UNC80: variants seen among roughly 807,000 people sequenced by gnomAD.
UNC80 encodes unc-80 subunit of NALCN channel complex, also known as protein unc-80 homolog.
A neutral mutation model predicts 384.6 loss-of-function variants in UNC80; 164 were observed. The observed-to-expected ratio is 0.43, with a 90% confidence interval of 0.38 to 0.49. The LOEUF (loss-of-function observed/expected upper bound fraction) is 0.49, where lower values mean the gene tolerates loss of function less well. UNC80 is among the 20% of genes least tolerant of loss of function. UNC80 has a pLI of 0.00. For synonymous variants in UNC80, 1,486 were observed against 1,527.8 expected, an observed-to-expected ratio of 0.97 and a Z score of 0.64; for missense variants, 3,330 against 4,143.0, an observed-to-expected ratio of 0.80 and a Z score of 5.39.
At chr2:209,954,293 C>A in intron 48 of UNC80, 23 bp downstream of exon 48, 1 of 1,453,616 alleles carries the variant, frequency 6.9e-7, no homozygotes, top group South Asian at 1.5e-5. Flanking sequence ...GCAGAAATAG[C>A]TACAGCCTTA....
intron 18 of UNC80, among the ~76,000 whole-genome samples, chr2:209,835,731 C>T (rs1323905111): frequency 6.6e-6 from 1 of 152,172 alleles, no homozygotes; most frequent in Non-Finnish European, 1.5e-5. Context: ...AAACCTTACT[C>T]AGTATTAAGT....
At chr2:209,799,749 T>G (rs6741478) in intron 7 of UNC80, among the ~76,000 whole-genome samples, 83,025 of 152,026 alleles carry the variant, frequency 0.55, 23,347 homozygotes, top group Admixed American at 0.62. Flanking sequence ...TGTTCCATCA[T>G]TACCTAGGTA....
chr2:209,931,103 A>G (rs2090827409), intron 38 of UNC80, 49 bp downstream of exon 38: 1 of 1,332,354 alleles, frequency 7.5e-7, no homozygotes, highest in African/African-American at 1.5e-5. Flanking sequence ...CCATGATGAA[A>G]AGGTCTTAGA....
intron 22 of UNC80, among the ~76,000 whole-genome samples, chr2:209,867,156 A>G (rs1348684226): frequency 6.6e-6 from 1 of 152,196 alleles, no homozygotes; most frequent in African/African-American, 2.4e-5. Context: ...TTTTCAGTGG[A>G]CCAGCAACAT....
At chr2:209,923,269 TC>T (rs1370489891) in intron 35 of UNC80, among the ~76,000 whole-genome samples, 5 of 152,300 alleles carry the variant, frequency 3.3e-5, no homozygotes, top group African/African-American at 1.2e-4. Context: ...AATTGTCTAA[TC>T]CAAGGTCGCA....
At chr2:209,877,031 A>G (rs1275016031) in intron 23 of UNC80, among the ~76,000 whole-genome samples, 1 of 152,232 alleles carries the variant, frequency 6.6e-6, no homozygotes, top group Non-Finnish European at 1.5e-5. Flanking sequence ...AGTATGATAC[A>G]GAAAGAAAGA....
chr2:209,799,292 C>G (rs1468901845), intron 7 of UNC80, among the ~76,000 whole-genome samples: 1 of 151,834 alleles, frequency 6.6e-6, no homozygotes, highest in African/African-American at 2.4e-5. Context: ...CCTTCATATC[C>G]CTTGTTAGCT....
intron 51 of UNC80, among the ~76,000 whole-genome samples, chr2:209,965,441 TG>T (rs1433579481): frequency 6.6e-6 from 1 of 151,956 alleles, no homozygotes; most frequent in Non-Finnish European, 1.5e-5. Context: ...TACAGATTTC[TG>T]GGCCCAGACC....
intron 47 of UNC80, among the ~76,000 whole-genome samples, chr2:209,946,192 C>G (rs2091905697): frequency 6.6e-6 from 1 of 151,740 alleles, no homozygotes; most frequent in Non-Finnish European, 1.5e-5. Context: ...GAGACCCTGT[C>G]TCTACAAAAA....
chr2:209,791,331 A>G (rs1005161538), intron 6 of UNC80, among the ~76,000 whole-genome samples: 2 of 152,042 alleles, frequency 1.3e-5, no homozygotes, highest in Non-Finnish European at 2.9e-5. Context: ...CCTATAGTGG[A>G]TCCTATTGAC....
chr2:209,789,147 A>G (rs989598418), intron 5 of UNC80, among the ~76,000 whole-genome samples: 1 of 152,202 alleles, frequency 6.6e-6, no homozygotes, highest in African/African-American at 2.4e-5. Context: ...TTGCACAATG[A>G]TGAATTTGCC....
chr2:209,808,597 G>T (rs1449585250), intron 7 of UNC80, among the ~76,000 whole-genome samples: 1 of 151,810 alleles, frequency 6.6e-6, no homozygotes, highest in Non-Finnish European at 1.5e-5. Flanking sequence ...CGGCCCACTT[G>T]CTCAGAGCGT....
In UNC80 at chr2:209,970,791, G is replaced by A. The variant is rs2092862346; in HGVS notation, c.8131-41G>A. ...TCCTTTACTACGGTTGCATGAAATTGCAATAGTCAAGGCTGGTCATGTGCT... is the reference window on the plus strand; with the variant it reads ...TCCTTTACTACGGTTGCATGAAATTACAATAGTCAAGGCTGGTCATGTGCT... On this transcript the variant is annotated intron_variant, in intron 53 of 64. Coordinates refer to ENST00000673920, the MANE Select transcript of UNC80 (RefSeq NM_001371986.1). 3 of 1,535,090 alleles carry A rather than the reference G, an allele frequency of 2.0e-6. No homozygotes were observed. The East Asian group carries it at 7.4e-5, about 38-fold the overall frequency.
intron 22 of UNC80, among the ~76,000 whole-genome samples, chr2:209,850,749 T>C (rs192542474): frequency 6.6e-6 from 1 of 152,276 alleles, no homozygotes; most frequent in Non-Finnish European, 1.5e-5. Flanking sequence ...TGTGTGTTGA[T>C]ATGTGCCATG....
intron 6 of UNC80, among the ~76,000 whole-genome samples, chr2:209,791,173 A>G (rs1174906414): frequency 2.0e-5 from 3 of 152,212 alleles, no homozygotes; most frequent in Non-Finnish European, 4.4e-5. Flanking sequence ...ATTGAGTTTT[A>G]TACTTCTAGA....
intron 31 of UNC80, among the ~76,000 whole-genome samples, chr2:209,915,448 T>G (rs1575001542): frequency 6.8e-6 from 1 of 147,514 alleles, no homozygotes. Flanking sequence ...AATGTGGACG[T>G]GCACTGGGCT....
rs1008782983 is a variant in UNC80 at position 209,820,366 on chromosome 2, G to A, written c.2018G>A (p.Cys673Tyr). The A allele has an allele frequency of 7.1e-6, 11 of 1,551,850 alleles. No individual in the cohort carries two copies. Among genetic ancestry groups the A allele is most frequent in the Non-Finnish European group, 9.6e-6 (11 of 1,146,998 alleles). The change falls in exon 13 of 65, where the codon TGT becomes TAT. Residue 673 changes from cysteine to tyrosine, a missense_variant. This residue lies in a region of UNC80 where 937 missense variants were observed against 1,026.8 expected (regional missense o/e 0.91). Transcript: ENST00000673920. ...AATCATGACATCAGCTCTCGTATCT[G>A]TGACGTGGCGCTAAACATTGTGGAA... ...VLNHDISSRICDVALNIVECL... is the reference protein window; with the variant it reads ...VLNHDISSRIYDVALNIVECL...
chr2:209,817,028 G>A lies in UNC80; in HGVS notation c.1455G>A (p.Val485=), dbSNP rs867003731. ...TGCTTCACGAGGACCACCTGGATGT[G>A]TCCCCCACGCGCAGCACATTCTCCT... The part of the protein sequence containing the change: ...PFLLHEDHLD[V]SPTRSTFSFG... The change falls in exon 10 of 65, where the codon GTG becomes GTA. Residue 485 remains valine, a synonymous_variant. Transcript: ENST00000673920. 16 of 1,551,732 alleles carry A rather than the reference G, an allele frequency of 1.0e-5. No individual in the cohort carries two copies. In the Middle Eastern group the frequency reaches 8.3e-4, roughly 81 times the overall value.
At chr2:209,812,194 C>G (rs1046552436) in intron 7 of UNC80, among the ~76,000 whole-genome samples, 4 of 151,686 alleles carry the variant, frequency 2.6e-5, no homozygotes, top group Non-Finnish European at 4.4e-5. Flanking sequence ...AGACTACAGG[C>G]GCCCGCCACC....
Sources: gnomAD v4.1 joint callset for allele counts (sites outside exome capture counted in the v4.1 genomes callset) on GRCh38, gnomAD v4.1.1 for gene constraint, gnomAD v4.1.1 regional missense constraint, MANE v1.5 for transcripts, NCBI Gene and HGNC (gene_info 2026-07-23, HGNC 2026-07-21) for gene names.